The following NDUFA12 variants were observed in gnomAD, a reference collection of about 807,000 sequenced individuals.
NDUFA12 encodes the protein NADH dehydrogenase [ubiquinone] 1 alpha subcomplex subunit 12.
NDUFA12 carries 17 observed loss-of-function variants against 20.3 expected under a neutral mutation model. That is an observed-to-expected ratio of 0.84 (90% CI 0.57 to 1.26). The LOEUF is 1.26. Among genes scored for constraint, NDUFA12 ranks in the 50% most tolerant of loss-of-function variants. NDUFA12 has a pLI of 0.00. For synonymous variants in NDUFA12, 72 were observed against 63.6 expected (o/e 1.13, Z -0.63); for missense variants, 191 against 183.7 (o/e 1.04, Z -0.23).
At chr12:94,974,307 T>C (rs1729164212) in intron 3 of NDUFA12, among the ~76,000 whole-genome samples, 2 of 151,916 alleles carry the variant, frequency 1.3e-5, no homozygotes, top group Non-Finnish European at 2.9e-5. Flanking sequence ...TATTATCTCA[T>C]CCCAGTTAAA....
chr12:94,985,688 A>G (rs1293653697), intron 3 of NDUFA12, among the ~76,000 whole-genome samples: 2 of 151,906 alleles, frequency 1.3e-5, no homozygotes, highest in South Asian at 2.1e-4. Flanking sequence ...TTCTCAGAAG[A>G]CATACAAATG....
intron 3 of NDUFA12, chr12:94,972,507 A>C (rs1428510135): frequency 2.2e-6 from 1 of 448,474 alleles, no homozygotes; most frequent in Admixed American, 2.4e-5. Context: ...GAAGAGCCTG[A>C]TGCATTGTAA....
intron 3 of NDUFA12, among the ~76,000 whole-genome samples, chr12:94,985,742 A>G (rs1874413514): frequency 6.6e-6 from 1 of 151,940 alleles, no homozygotes; most frequent in African/African-American, 2.4e-5. Flanking sequence ...ACTAATCATC[A>G]GGGAAACCAG....
intron 3 of NDUFA12, among the ~76,000 whole-genome samples, chr12:94,987,603 C>T (rs778413890): frequency 3.3e-5 from 5 of 151,906 alleles, no homozygotes; most frequent in Admixed American, 6.6e-5. Flanking sequence ...GAGTTCAAGA[C>T]CAGCCTGGCC....
intron 2 of NDUFA12, among the ~76,000 whole-genome samples, chr12:94,999,245 A>G (rs1438016005): frequency 1.3e-5 from 2 of 152,204 alleles, no homozygotes; most frequent in East Asian, 3.8e-4. Flanking sequence ...AGGACACCCT[A>G]TTCAACAAAT....
intron 3 of NDUFA12, among the ~76,000 whole-genome samples, chr12:94,983,762 C>G (rs1280522470): frequency 2.7e-5 from 1 of 36,376 alleles, no homozygotes; most frequent in East Asian, 7.2e-4. Flanking sequence ...CCATGACTTA[C>G]AACAGCTTCT....
chr12:94,992,088 C>T (rs1453160312), intron 3 of NDUFA12, among the ~76,000 whole-genome samples: 1 of 152,166 alleles, frequency 6.6e-6, no homozygotes, highest in Non-Finnish European at 1.5e-5. Flanking sequence ...ACCAGATATA[C>T]TTATTTCTAG....
chr12:95,003,448 C>A (rs1284616762), intron 1 of NDUFA12, 147 bp downstream of exon 1: 1 of 849,402 alleles, frequency 1.2e-6, no homozygotes, highest in East Asian at 2.6e-5. Context: ...AGAGACCAGC[C>A]TGGGGGTGGC....
At chr12:94,972,414 A>G (rs1296846918) in intron 3 of NDUFA12, 1 of 450,310 alleles carries the variant, frequency 2.2e-6, no homozygotes, top group South Asian at 1.6e-5. Flanking sequence ...ATTAGGTGCT[A>G]GAGGCCGATT....
At chr12:94,994,928 T>C (rs1323433950) in intron 2 of NDUFA12, among the ~76,000 whole-genome samples, 1 of 152,182 alleles carries the variant, frequency 6.6e-6, no homozygotes, top group African/African-American at 2.4e-5. Context: ...ATTAGGCAAA[T>C]TTTATGAGCC....
rs1021092704 is a variant in NDUFA12 at position 95,002,749 on chromosome 12, C to T, written c.159G>A (p.Lys53=). ...AAATACTGCACTCACCAAAAAATTG[C>T]TTGTTGTCTTCATAGTATTTGTTTC... The part of the protein sequence containing the change: ...KYGNKYYEDN[K]QFFGRHRWVV... The change falls in exon 2 of 4, where the codon AAG becomes AAA. Residue 53 remains lysine, a synonymous_variant. Coordinates refer to ENST00000327772, the MANE Select transcript of NDUFA12 (RefSeq NM_018838.5). 4.5e-5 allele frequency: 72 copies of T among 1,613,484 alleles called. No individual in the cohort carries two copies. Among genetic ancestry groups the T allele is most frequent in the Middle Eastern group, 1.6e-4 (1 of 6,082 alleles).
chr12:94,972,559 G>T, intron 3 of NDUFA12: 1 of 401,046 alleles, frequency 2.5e-6, no homozygotes, highest in Non-Finnish European at 5.2e-6. Flanking sequence ...TATGCAACTT[G>T]TTATATTAAA....
intron 2 of NDUFA12, among the ~76,000 whole-genome samples, chr12:94,998,422 A>G (rs1874909173): frequency 6.6e-6 from 1 of 152,226 alleles, no homozygotes; most frequent in Admixed American, 6.5e-5. Flanking sequence ...AACTGGAACG[A>G]GACAAGGATG....
chr12:95,002,293 T>C (rs1028863619), intron 2 of NDUFA12, among the ~76,000 whole-genome samples: 2 of 150,914 alleles, frequency 1.3e-5, no homozygotes, highest in Non-Finnish European at 3.0e-5. Flanking sequence ...ATACAAAAAT[T>C]AGCCGGCCAT....
Position 94,992,092 on chromosome 12 carries a change from T to C in NDUFA12, c.257+2078A>G, listed in dbSNP as rs568644401. Among the ~76,000 whole-genome samples, 135 of 152,334 alleles carry C rather than the reference T, an allele frequency of 8.9e-4. 1 individual carries two copies. Among genetic ancestry groups the C allele is most frequent in the Middle Eastern group, 6.8e-3 (2 of 294 alleles). ...TGTCACAGCCCACCAGATATACTTA[T>C]TTCTAGTTTTTGGGTGAAATTTTCT... On this transcript the variant is annotated intron_variant, in intron 3 of 3. Transcript: ENST00000327772.
At chr12:94,978,328 C>T (rs1874124938) in intron 3 of NDUFA12, among the ~76,000 whole-genome samples, 1 of 152,066 alleles carries the variant, frequency 6.6e-6, no homozygotes, top group Non-Finnish European at 1.5e-5. Context: ...GATAATTGTG[C>T]CTTGGACTAG....
intron 2 of NDUFA12, among the ~76,000 whole-genome samples, chr12:94,995,764 C>T (rs76545870): frequency 2.5e-3 from 386 of 152,160 alleles, no homozygotes; most frequent in Non-Finnish European, 4.2e-3. Flanking sequence ...TAGTTACAAG[C>T]AGGTTTACAG....
At chr12:94,981,564 G>A (rs770911018) in intron 3 of NDUFA12, among the ~76,000 whole-genome samples, 7 of 152,096 alleles carry the variant, frequency 4.6e-5, no homozygotes, top group Admixed American at 1.3e-4. Flanking sequence ...GATCCCATAA[G>A]AGAATAAAAC....
intron 3 of NDUFA12, among the ~76,000 whole-genome samples, chr12:94,985,713 GA>G (rs1329433098): frequency 6.7e-6 from 1 of 150,130 alleles, no homozygotes; most frequent in East Asian, 2.0e-4. Flanking sequence ...ACAGCTATAT[GA>G]AAAAAATGCT....
Sources: allele counts gnomAD v4.1 joint callset (sites outside exome capture counted in the v4.1 genomes callset), GRCh38; gene constraint gnomAD v4.1.1; transcripts MANE v1.5; gene names NCBI Gene and HGNC (gene_info 2026-07-23, HGNC 2026-07-21).